Variants in ZMYM4 observed in about 807,000 individuals in gnomAD.
ZMYM4 encodes the protein zinc finger MYM-type containing 4, also known as zinc finger MYM-type protein 4.
A neutral mutation model predicts 183.2 loss-of-function variants in ZMYM4; 31 were observed. The observed-to-expected ratio is 0.17, with a 90% CI of 0.13 to 0.23. The LOEUF is 0.23. ZMYM4 is among the 10% of genes least tolerant of loss of function. The probability of loss-of-function intolerance (pLI) is 1.00; values close to 1 mark genes in which losing one functional copy is unlikely to be tolerated. For synonymous variants in ZMYM4, 592 were observed against 631.2 expected, an observed-to-expected ratio of 0.94 and a Z score of 0.93; for missense variants, 1,273 against 1,840.3, an observed-to-expected ratio of 0.69 and a Z score of 5.64.
chr1:35,319,931 CT>C (rs914822201), intron 1 of ZMYM4, among the ~76,000 whole-genome samples: 18 of 152,286 alleles, frequency 1.2e-4, no homozygotes, highest in African/African-American at 4.1e-4. Flanking sequence ...TGCTTATTAA[CT>C]AATAGAAATG....
At chr1:35,382,166 G>T in intron 9 of ZMYM4, among the ~76,000 whole-genome samples, 1 of 127,704 alleles carries the variant, frequency 7.8e-6, no homozygotes, top group African/African-American at 3.2e-5. Context: ...AAACAAAAAT[G>T]TATATATACA....
At chr1:35,397,951 A>G (rs778509035) in intron 20 of ZMYM4, among the ~76,000 whole-genome samples, 1 of 152,196 alleles carries the variant, frequency 6.6e-6, no homozygotes. Context: ...ATCTCATACT[A>G]CTAGTGTGGA....
At position 35,415,578 on chromosome 1, in the gene ZMYM4, C is replaced by G. The variant is rs867614206; in HGVS notation, c.4173C>G (p.Phe1391Leu). The change falls in exon 28 of 30, where the codon TTC (phenylalanine) becomes TTG (leucine). Residue 1391 changes from phenylalanine to leucine, a missense_variant. By Grantham distance (22) the Phe-to-Leu change is conservative. Transcript: ENST00000314607. ...TCCTTTTCTTCAATACCAAATACTT[C>G]CAACTAAAGAATGTTACTGAGCACT... ...NTLLFFNTKY[F>L]QLKNVTEHLK... The G allele has an allele frequency of 3.1e-6, 5 of 1,614,082 alleles. No homozygotes were observed. In the Admixed American group the frequency reaches 8.3e-5, roughly 27 times the overall value.
chr1:35,333,827 A>G (rs1186895361), intron 2 of ZMYM4, among the ~76,000 whole-genome samples: 3 of 151,602 alleles, frequency 2.0e-5, no homozygotes, highest in African/African-American at 2.4e-5. Context: ...ACTTCATAAA[A>G]CCCCTTCACC....
At chr1:35,320,570 A>G (rs1642240335) in intron 1 of ZMYM4, among the ~76,000 whole-genome samples, 1 of 152,170 alleles carries the variant, frequency 6.6e-6, no homozygotes, top group Admixed American at 6.6e-5. Context: ...GCACACCCCA[A>G]GTTATATAGC....
intron 2 of ZMYM4, among the ~76,000 whole-genome samples, chr1:35,343,452 T>C (rs942523807): frequency 6.6e-6 from 1 of 152,206 alleles, no homozygotes; most frequent in Non-Finnish European, 1.5e-5. Context: ...TTGGCACTTT[T>C]GTGGGAAGTC....
intron 1 of ZMYM4, among the ~76,000 whole-genome samples, chr1:35,295,025 A>C (rs898257638): frequency 1.3e-4 from 20 of 152,224 alleles, no homozygotes; most frequent in Admixed American, 6.5e-5. Context: ...AGTGCCTGTT[A>C]TGCATGAGGA....
In ZMYM4 at chr1:35,361,249, C is replaced by T. The variant is rs1449918206; in HGVS notation, c.663C>T (p.Asn221=). Residue 221 remains asparagine, a synonymous_variant, in exon 4 of 30, where the codon AAC becomes AAT. Transcript: ENST00000314607. ...ATTTACCACAAACCCCAGAAACAAA[C>T]TTTAGGGTAAGTTTTCAGTGTGTAT... ...HTHLPQTPET[N]FRDSSYPFAN... 3 of 1,602,642 alleles carry T rather than the reference C, an allele frequency of 1.9e-6. No individual in the cohort carries two copies. The highest frequency in any genetic ancestry group is 1.7e-6 in the Non-Finnish European group (2 of 1,175,504).
intron 1 of ZMYM4, among the ~76,000 whole-genome samples, chr1:35,312,485 C>G (rs1443032829): frequency 6.6e-6 from 1 of 152,118 alleles, no homozygotes; most frequent in South Asian, 2.1e-4. Flanking sequence ...ACTATTAACA[C>G]CATCCATATC....
At chr1:35,357,609 CAG>C (rs1643864682) in intron 2 of ZMYM4, among the ~76,000 whole-genome samples, 1 of 152,142 alleles carries the variant, frequency 6.6e-6, no homozygotes, top group Admixed American at 6.5e-5. Context: ...ATAAAGTTGA[CAG>C]AATTTGTCCA....
chr1:35,363,763 A>T (rs1450208700), intron 5 of ZMYM4, among the ~76,000 whole-genome samples: 1 of 152,244 alleles, frequency 6.6e-6, no homozygotes, highest in Non-Finnish European at 1.5e-5. Flanking sequence ...GATCTTAGAT[A>T]TCTGAATTAG....
At chr1:35,311,636 A>C (rs1231094171) in intron 1 of ZMYM4, among the ~76,000 whole-genome samples, 1 of 151,972 alleles carries the variant, frequency 6.6e-6, no homozygotes, top group African/African-American at 2.4e-5. Context: ...TGAGATCTAG[A>C]CAATGAATTT....
chr1:35,372,332 A>T (rs1644231628), intron 7 of ZMYM4, among the ~76,000 whole-genome samples: 1 of 152,186 alleles, frequency 6.6e-6, no homozygotes, highest in Admixed American at 6.5e-5. Flanking sequence ...ATTTTGGCTT[A>T]TTTCTTTAAA....
At chr1:35,338,104 T>TGTA (rs1245775119) in intron 2 of ZMYM4, among the ~76,000 whole-genome samples, 6 of 152,200 alleles carry the variant, frequency 3.9e-5, no homozygotes, top group Non-Finnish European at 7.3e-5. Flanking sequence ...AAAATCATTC[T>TGTA]TAGCTCTTGG....
At chr1:35,410,685 G>T (rs1005807831) in intron 26 of ZMYM4, among the ~76,000 whole-genome samples, 2 of 146,700 alleles carry the variant, frequency 1.4e-5, no homozygotes, top group African/African-American at 2.6e-5. Context: ...TAGAGACGGG[G>T]TTTCACAGTA....
intron 2 of ZMYM4, among the ~76,000 whole-genome samples, chr1:35,355,687 C>T (rs747686997): frequency 1.3e-5 from 2 of 151,970 alleles, no homozygotes; most frequent in Non-Finnish European, 2.9e-5. Context: ...TTATTTATAA[C>T]TTGATCTTTT....
intron 2 of ZMYM4, among the ~76,000 whole-genome samples, chr1:35,340,640 G>T (rs533051210): frequency 3.9e-5 from 6 of 152,128 alleles, no homozygotes; most frequent in African/African-American, 1.2e-4. Flanking sequence ...GCTCCTATGA[G>T]AATTTAATGC....
intron 1 of ZMYM4, among the ~76,000 whole-genome samples, chr1:35,272,905 G>C (rs1019385901): frequency 6.6e-6 from 1 of 152,114 alleles, no homozygotes; most frequent in Non-Finnish European, 1.5e-5. Flanking sequence ...TAGTAGAGAC[G>C]GGGTTTCACC....
At chr1:35,381,887 G>A in intron 9 of ZMYM4, 129 bp downstream of exon 9, 1 of 1,149,952 alleles carries the variant, frequency 8.7e-7, no homozygotes, top group Non-Finnish European at 1.2e-6. Context: ...GCTCACACCT[G>A]TAATCCCAGC....
Sources: allele counts gnomAD v4.1 joint callset (sites outside exome capture counted in the v4.1 genomes callset), GRCh38; gene constraint gnomAD v4.1.1; transcripts MANE v1.5; gene names NCBI Gene and HGNC (gene_info 2026-07-23, HGNC 2026-07-21).